PCDHA9: variants seen among roughly 807,000 people sequenced by gnomAD.
The protein encoded by PCDHA9 is protocadherin alpha 9.
PCDHA9 carries 62 observed loss-of-function variants against 62.0 expected under a neutral mutation model. That is an observed-to-expected ratio of 1.00 (90% CI 0.81 to 1.23). The LOEUF is 1.23. Among genes scored for constraint, PCDHA9 ranks in the 50% most tolerant of loss-of-function variants. The pLI, the probability that PCDHA9 is intolerant of heterozygous loss-of-function variation, is 0.00. For synonymous variants in PCDHA9, 557 were observed against 567.6 expected, an observed-to-expected ratio of 0.98 and a Z score of 0.27; for missense variants, 1,205 against 1,249.8, an observed-to-expected ratio of 0.96 and a Z score of 0.54.
At chr5:140,928,374 C>A in intron 1 of PCDHA9, 1 of 1,614,172 alleles carries the variant, frequency 6.2e-7, no homozygotes, top group Non-Finnish European at 8.5e-7. Context: ...GGCCATCAGC[C>A]TCTAGCTTGC....
At chr5:140,947,957 A>G (rs2094196859) in intron 1 of PCDHA9, among the ~76,000 whole-genome samples, 1 of 151,542 alleles carries the variant, frequency 6.6e-6, no homozygotes, top group African/African-American at 2.4e-5. Flanking sequence ...ATATTTTACA[A>G]TTAAGTATGT....
chr5:140,857,164 C>T, intron 1 of PCDHA9: 1 of 1,598,342 alleles, frequency 6.3e-7, no homozygotes, highest in Non-Finnish European at 8.6e-7. Context: ...CCCTAATCAG[C>T]GTTTCTGACC....
At chr5:140,899,443 G>A (rs1554188558) in intron 1 of PCDHA9, among the ~76,000 whole-genome samples, 4 of 152,210 alleles carry the variant, frequency 2.6e-5, no homozygotes, top group African/African-American at 9.7e-5. Context: ...CATCTATTGA[G>A]ATAATCATGT....
chr5:140,957,948 G>C (rs2153715688), intron 1 of PCDHA9, among the ~76,000 whole-genome samples: 1 of 152,152 alleles, frequency 6.6e-6, no homozygotes, highest in Non-Finnish European at 1.5e-5. Flanking sequence ...AGATCTTTAA[G>C]ACTATTAATT....
chr5:140,921,486 G>A (rs782660925), intron 1 of PCDHA9, among the ~76,000 whole-genome samples: 1 of 152,128 alleles, frequency 6.6e-6, no homozygotes, highest in African/African-American at 2.4e-5. Flanking sequence ...CTCTACCTGA[G>A]ATTAGTTTAT....
intron 1 of PCDHA9, among the ~76,000 whole-genome samples, chr5:140,896,646 G>C (rs1330006792): frequency 6.6e-6 from 1 of 152,078 alleles, no homozygotes; most frequent in Non-Finnish European, 1.5e-5. Flanking sequence ...CAAAGTGCTA[G>C]TATTACAGGC....
At chr5:140,864,452 T>C (rs1368510551) in intron 1 of PCDHA9, 1 of 152,266 alleles carries the variant, frequency 6.6e-6, no homozygotes, top group East Asian at 1.9e-4. Context: ...TCATGATCAA[T>C]ATCCATCTTT....
chr5:140,905,991 G>C (rs1377300111), intron 1 of PCDHA9, among the ~76,000 whole-genome samples: 1 of 152,156 alleles, frequency 6.6e-6, no homozygotes, highest in Non-Finnish European at 1.5e-5. Flanking sequence ...AAAGATGTAG[G>C]CTGGGAGGCT....
chr5:140,968,594 A>G (rs1218717024), intron 1 of PCDHA9: 3 of 1,614,176 alleles, frequency 1.9e-6, no homozygotes, highest in Non-Finnish European at 2.5e-6. Flanking sequence ...AGTCATAGCT[A>G]TGGACTCAGA....
intron 3 of PCDHA9, among the ~76,000 whole-genome samples, chr5:140,999,505 A>T (rs1221080631): frequency 1.3e-5 from 2 of 152,134 alleles, no homozygotes; most frequent in African/African-American, 4.8e-5. Context: ...AAGAACCTAC[A>T]TTTTAAGCAT....
chr5:140,869,778 C>A (rs782226363), intron 1 of PCDHA9: 1 of 1,612,922 alleles, frequency 6.2e-7, no homozygotes, highest in Non-Finnish European at 8.5e-7. Context: ...TTACTGGCAC[C>A]GTTCGGCTGT....
At chr5:140,877,172 C>A (rs371577720) in intron 1 of PCDHA9, 1 of 1,613,818 alleles carries the variant, frequency 6.2e-7, no homozygotes. Flanking sequence ...GCACTGCTGG[C>A]GACTCCGGCT....
chr5:140,865,652 A>G (rs1413896571), intron 1 of PCDHA9: 1 of 152,206 alleles, frequency 6.6e-6, no homozygotes, highest in Non-Finnish European at 1.5e-5. Context: ...ACATTATTTC[A>G]TTTAATACTT....
At chr5:140,926,926 T>C in intron 1 of PCDHA9, 1 of 1,573,576 alleles carries the variant, frequency 6.4e-7, no homozygotes, top group South Asian at 1.2e-5. Flanking sequence ...TTTATGTTTG[T>C]GGGTTTCCTG....
Position 140,850,438 on chromosome 5 carries a change from T to C in PCDHA9, c.1943T>C (p.Leu648Pro), listed in dbSNP as rs1554144332. 1 of 1,597,768 alleles carries C rather than the reference T, an allele frequency of 6.3e-7. No individual in the cohort carries two copies. Among genetic ancestry groups the C allele is most frequent in the Admixed American group, 1.7e-5 (1 of 59,276 alleles). ...DETDAPRQRL[L>P]VLVKDHGEPA... ...ACGGACGCACCGCGCCAGCGCCTAC[T>C]GGTGCTGGTGAAAGACCACGGGGAG... The change falls in exon 1 of 4, where the codon CTG (leucine) becomes CCG (proline). Residue 648 changes from leucine to proline, a missense_variant. Transcript: ENST00000532602.
At chr5:140,959,317 A>G (rs1424960169) in intron 1 of PCDHA9, among the ~76,000 whole-genome samples, 3 of 152,078 alleles carry the variant, frequency 2.0e-5, no homozygotes, top group Non-Finnish European at 4.4e-5. Flanking sequence ...TGAAGCTGCA[A>G]TAAGTTTTGA....
At chr5:140,898,511 G>A (rs373963449) in intron 1 of PCDHA9, among the ~76,000 whole-genome samples, 16 of 151,912 alleles carry the variant, frequency 1.1e-4, no homozygotes, top group South Asian at 4.2e-4. Context: ...GATATGCGGC[G>A]TTATTTCTGA....
chr5:140,969,636 T>C (rs2096349824), intron 1 of PCDHA9: 1 of 212,100 alleles, frequency 4.7e-6, no homozygotes, highest in Non-Finnish European at 8.1e-6. Context: ...GGACAGGCCT[T>C]GGAATAGGGA....
At chr5:140,914,562 C>A (rs2076761052) in intron 1 of PCDHA9, among the ~76,000 whole-genome samples, 1 of 152,190 alleles carries the variant, frequency 6.6e-6, no homozygotes, top group East Asian at 1.9e-4. Flanking sequence ...AGAGTTTAGT[C>A]CATTTACATT....
Sources: gnomAD v4.1 joint callset for allele counts (sites outside exome capture counted in the v4.1 genomes callset) on GRCh38, gnomAD v4.1.1 for gene constraint, MANE v1.5 for transcripts, NCBI Gene and HGNC (gene_info 2026-07-23, HGNC 2026-07-21) for gene names.